The following LOC400499 variants were observed in gnomAD, a reference collection of about 807,000 sequenced individuals.
At chr16:11,449,693 G>A in the LOC400499 span, among the ~76,000 whole-genome samples, 3 of 152,190 alleles carry the variant, frequency 2.0e-5, no homozygotes, top group African/African-American at 4.8e-5. Flanking sequence ...CCAGAACTTC[G>A]TAACACTTTG....
At chr16:11,506,667 G>GC in the LOC400499 span, among the ~76,000 whole-genome samples, 47 of 152,186 alleles carry the variant, frequency 3.1e-4, no homozygotes, top group Non-Finnish European at 5.1e-4. Context: ...CCCACCCTCT[G>GC]CCCCCCACAT....
the LOC400499 span, chr16:11,493,765 G>C: frequency 1.5e-5 from 6 of 392,876 alleles, no homozygotes; most frequent in East Asian, 1.8e-4. Context: ...TGCCAAGCCC[G>C]CGTTGCCGAC....
chr16:11,391,942 G>T, the LOC400499 span: 380 of 713,900 alleles, frequency 5.3e-4, 8 homozygotes, highest in East Asian at 9.6e-3. Flanking sequence ...GTGAGTGGGG[G>T]CTACAAGCCA....
At chr16:11,462,285 G>C in the LOC400499 span, 1 of 1,505,352 alleles carries the variant, frequency 6.6e-7, no homozygotes. Flanking sequence ...CCCATGGCTG[G>C]CTGCAGGTCA....
At chr16:11,403,605 C>T in the LOC400499 span, among the ~76,000 whole-genome samples, 33,324 of 152,166 alleles carry the variant, frequency 0.22, 4,437 homozygotes, top group Non-Finnish European at 0.31. Flanking sequence ...TCCATCAGGC[C>T]ACCTGGTAAG....
the LOC400499 span, among the ~76,000 whole-genome samples, chr16:11,509,766 G>A: frequency 1.3e-5 from 2 of 152,116 alleles, no homozygotes; most frequent in Non-Finnish European, 2.9e-5. Flanking sequence ...GGGAGGCTGA[G>A]GTTGCAGTGA....
the LOC400499 span, among the ~76,000 whole-genome samples, chr16:11,415,697 G>C: frequency 2.0e-5 from 3 of 152,176 alleles, no homozygotes; most frequent in Admixed American, 6.5e-5. Context: ...CCAGGAGGTA[G>C]GGACAACAGA....
the LOC400499 span, among the ~76,000 whole-genome samples, chr16:11,463,420 G>C: frequency 2.6e-4 from 37 of 142,038 alleles, no homozygotes; most frequent in Non-Finnish European, 4.8e-4. Context: ...GTGTACAGAT[G>C]TATCTGTACA....
chr16:11,426,349 T>G, the LOC400499 span, among the ~76,000 whole-genome samples: 1 of 152,100 alleles, frequency 6.6e-6, no homozygotes, highest in Admixed American at 6.5e-5. Context: ...AGTAGGAGAC[T>G]CGCTTGAAAC....
the LOC400499 span, among the ~76,000 whole-genome samples, chr16:11,452,860 G>T: frequency 6.6e-6 from 1 of 152,184 alleles, no homozygotes; most frequent in Non-Finnish European, 1.5e-5. Flanking sequence ...TTCAATTTCA[G>T]AAGATTTCTA....
the LOC400499 span, chr16:11,447,009 C>G: frequency 1.5e-6 from 2 of 1,371,788 alleles, no homozygotes; most frequent in Non-Finnish European, 1.9e-6. Flanking sequence ...CTGTCACGAG[C>G]TTGCAGAGTT....
the LOC400499 span, among the ~76,000 whole-genome samples, chr16:11,430,835 A>C: frequency 6.6e-6 from 1 of 152,226 alleles, no homozygotes; most frequent in Non-Finnish European, 1.5e-5. Flanking sequence ...TTCAGTTTTT[A>C]GTGAGCAGAT....
the LOC400499 span, chr16:11,508,948 G>A: frequency 2.3e-5 from 9 of 396,998 alleles, no homozygotes; most frequent in South Asian, 1.4e-4. Context: ...CCCCTCCAGT[G>A]CTTCCTTCAG....
chr16:11,413,349 T>A, the LOC400499 span, among the ~76,000 whole-genome samples: 1 of 152,170 alleles, frequency 6.6e-6, no homozygotes, highest in Non-Finnish European at 1.5e-5. Flanking sequence ...CCTGGCCCCC[T>A]GACCCCCTGG....
chr16:11,460,733 T>G, the LOC400499 span: 1 of 1,367,128 alleles, frequency 7.3e-7, no homozygotes, highest in African/African-American at 1.5e-5. Flanking sequence ...TTGCTCCACC[T>G]GTCACTCCAT....
At chr16:11,471,317 T>C in the LOC400499 span, 1 of 180,032 alleles carries the variant, frequency 5.6e-6, no homozygotes, top group Non-Finnish European at 1.1e-5. Context: ...CTTATCCAAG[T>C]AGCTTCACTA....
At chr16:11,446,746 A>G in the LOC400499 span, 1 of 1,535,762 alleles carries the variant, frequency 6.5e-7, no homozygotes, top group Non-Finnish European at 8.7e-7. Context: ...AGACACACTC[A>G]CGTAGGGGTG....
At chr16:11,512,518 C>T in the LOC400499 span, among the ~76,000 whole-genome samples, 4 of 151,848 alleles carry the variant, frequency 2.6e-5, no homozygotes, top group East Asian at 1.9e-4. Flanking sequence ...AGGAGCACTG[C>T]GTGAACCTGG....
chr16:11,404,507 T>C, the LOC400499 span, among the ~76,000 whole-genome samples: 1 of 152,142 alleles, frequency 6.6e-6, no homozygotes, highest in Non-Finnish European at 1.5e-5. Context: ...CCACCATGCC[T>C]GGCTAATTTT....
Sources: allele counts gnomAD v4.1 joint callset (sites outside exome capture counted in the v4.1 genomes callset), GRCh38; gene constraint gnomAD v4.1.1; transcripts MANE v1.5.